EXOSC4: variants seen among roughly 807,000 people sequenced by gnomAD.
EXOSC4 encodes exosome component 4, also known as exosome complex component RRP41.
EXOSC4 carries 14 observed loss-of-function variants against 20.0 expected under a neutral mutation model. That is an observed-to-expected ratio of 0.70 (90% CI 0.46 to 1.09). The LOEUF (loss-of-function observed/expected upper bound fraction) is 1.09, where lower values mean the gene tolerates loss of function less well. Among genes scored for constraint, EXOSC4 ranks in the 50% least tolerant of loss-of-function variants. EXOSC4 has a pLI of 0.00. For synonymous variants in EXOSC4, 148 were observed against 146.4 expected (o/e 1.01, Z -0.08); for missense variants, 337 against 334.0 (o/e 1.01, Z -0.07).
chr8:144,078,826 C>A lies in EXOSC4; in HGVS notation c.98C>A (p.Ala33Glu). Residue 33 changes from alanine (A) to glutamate (E), a missense_variant, in exon 1 of 3, where the codon GCG (alanine) becomes GAG (glutamate). By Grantham distance (107) the Ala-to-Glu change is moderately radical (BLOSUM62 -1). Coordinates refer to ENST00000316052, the MANE Select transcript of EXOSC4 (RefSeq NM_019037.3). The surrounding 1 kb of genome is among the most constrained non-coding windows in gnomAD (Gnocchi z 4.7). ...ATCCAGGCGCGGATGGGCGTGTTCG[C>A]GCAGGCTGACGGCTCGGCCTACATT... Reference protein sequence around the residue: ...RKIQARMGVFAQADGSAYIEQ... With the variant: ...RKIQARMGVFEQADGSAYIEQ... 1 of 1,580,116 alleles carries A rather than the reference C, an allele frequency of 6.3e-7. No individual in the cohort carries two copies. Among genetic ancestry groups the A allele is most frequent in the Non-Finnish European group, 8.6e-7 (1 of 1,165,824 alleles).
the EXOSC4 span, among the ~76,000 whole-genome samples, chr8:144,070,033 C>T: frequency 2.6e-5 from 4 of 152,186 alleles, no homozygotes; most frequent in African/African-American, 4.8e-5. Context: ...GCAAGGTGGC[C>T]GGGGAACGGA....
rs2129921265 is a variant in EXOSC4, at chr8:144,078,946, G to A, written c.171+47G>A. On this transcript the variant is annotated intron_variant, in intron 1 of 2. Transcript: ENST00000316052. This position sits in a 1 kb window ranked among gnomAD's most constrained non-coding sequence, Gnocchi z 4.7. The stretch of plus-strand genomic sequence containing the variant: ...GGAATCGTGTGGCCGTGGGAGCTGC[G>A]GGGCAGCCGGGCTGAGCGCTGGCTC... The A allele has an allele frequency of 7.1e-7, 1 of 1,411,850 alleles. No homozygotes were observed. 87.5% of individuals were successfully genotyped at this position (1,411,850 alleles called of 1,614,324 possible). A position where few individuals can be genotyped will look rare whatever the true frequency, so the allele number is the denominator to read the frequency against.
the EXOSC4 span, among the ~76,000 whole-genome samples, chr8:144,071,498 G>A: frequency 6.8e-6 from 1 of 147,878 alleles, no homozygotes; most frequent in Non-Finnish European, 1.5e-5. Flanking sequence ...GTACAGACAG[G>A]GTTTCACCAT....
At chr8:144,067,713 T>G in the EXOSC4 span, among the ~76,000 whole-genome samples, 4 of 152,122 alleles carry the variant, frequency 2.6e-5, no homozygotes, top group African/African-American at 9.7e-5. Context: ...TGAACAAAGA[T>G]AGAAAATGTG....
chr8:144,065,949 C>T, the EXOSC4 span, among the ~76,000 whole-genome samples: 1 of 150,228 alleles, frequency 6.7e-6, no homozygotes, highest in African/African-American at 2.5e-5. Context: ...GCTGGGACCA[C>T]AGATGCATGC....
the EXOSC4 span, among the ~76,000 whole-genome samples, chr8:144,066,442 T>A: frequency 7.4e-6 from 1 of 134,960 alleles, no homozygotes; most frequent in African/African-American, 2.7e-5. Context: ...TTCTCTTTTT[T>A]TTTTTTTTTT....
chr8:144,071,106 G>A, the EXOSC4 span, among the ~76,000 whole-genome samples: 18 of 151,454 alleles, frequency 1.2e-4, no homozygotes, highest in South Asian at 2.1e-4. Flanking sequence ...AAGGGCCATC[G>A]GCCAATCCTA....
the EXOSC4 span, among the ~76,000 whole-genome samples, chr8:144,065,886 G>A: frequency 6.7e-6 from 1 of 148,616 alleles, no homozygotes; most frequent in Non-Finnish European, 1.5e-5. Context: ...ATAGCTCATC[G>A]AAGCCTTGAC....
At chr8:144,076,615 A>C (rs1271729224), upstream of EXOSC4, among the ~76,000 whole-genome samples, 1 of 152,184 alleles carries the variant, frequency 6.6e-6, no homozygotes, top group Non-Finnish European at 1.5e-5. Flanking sequence ...AACACAGCAA[A>C]GGTTCCACTG....
Position 144,080,262 on chromosome 8 carries a change from G to C in EXOSC4, c.399G>C (p.Gly133=), listed in dbSNP as rs528562530. The C allele has an allele frequency of 1.2e-6, 2 of 1,613,842 alleles. No homozygotes were observed. Among genetic ancestry groups the C allele is most frequent in the African/African-American group, 2.7e-5 (2 of 75,060 alleles). Residue 133 remains glycine, a synonymous_variant, in exon 3 of 3, where the codon GGG becomes GGC. Transcript: ENST00000316052. The surrounding 1 kb of genome is among the most constrained non-coding windows in gnomAD (Gnocchi z 4.9). ...TGCAGGTGCTACAGGCAGATGGTGG[G>C]ACCTATGCAGCTTGTGTGAATGCAG... ...IYVQVLQADG[G]TYAACVNAAT...
At chr8:144,070,003 T>C in the EXOSC4 span, among the ~76,000 whole-genome samples, 3 of 152,222 alleles carry the variant, frequency 2.0e-5, no homozygotes, top group African/African-American at 7.2e-5. Flanking sequence ...AAAGGGCTGT[T>C]CCGCCCGGGC....
the EXOSC4 span, among the ~76,000 whole-genome samples, chr8:144,068,202 T>C: frequency 2.0e-5 from 3 of 152,206 alleles, no homozygotes; most frequent in African/African-American, 7.2e-5. Context: ...TGACTCCTCT[T>C]ATAGCTCATT....
the EXOSC4 span, among the ~76,000 whole-genome samples, chr8:144,072,176 C>CTTGTT: frequency 2.0e-5 from 3 of 151,878 alleles, no homozygotes; most frequent in South Asian, 2.1e-4. Flanking sequence ...TGTACAATGC[C>CTTGTT]TTGTTTTGTT....
the EXOSC4 span, among the ~76,000 whole-genome samples, chr8:144,069,140 A>G: frequency 3.9e-5 from 6 of 152,252 alleles, no homozygotes; most frequent in African/African-American, 7.2e-5. Flanking sequence ...AACCAGGGAC[A>G]GAGACAACAA....
At chr8:144,075,384 G>A (rs1479035990), upstream of EXOSC4, among the ~76,000 whole-genome samples, 4 of 152,098 alleles carry the variant, frequency 2.6e-5, no homozygotes, top group African/African-American at 4.8e-5. Flanking sequence ...CCGCCACCAC[G>A]CCCGGCTAAT....
chr8:144,064,240 G>T, the EXOSC4 span, among the ~76,000 whole-genome samples: 2 of 152,260 alleles, frequency 1.3e-5, no homozygotes, highest in Non-Finnish European at 2.9e-5. Context: ...GGTGTGTCGT[G>T]GGGGAAGGGA....
chr8:144,078,522 A>C (rs1005739297), upstream of EXOSC4: 1 of 452,896 alleles, frequency 2.2e-6, no homozygotes, highest in African/African-American at 2.0e-5. This position sits in a 1 kb window ranked among gnomAD's most constrained non-coding sequence, Gnocchi z 4.7. Context: ...GGTGAACTCC[A>C]GTTCACCAGG....
At chr8:144,067,002 G>A in the EXOSC4 span, among the ~76,000 whole-genome samples, 14 of 152,024 alleles carry the variant, frequency 9.2e-5, no homozygotes, top group Admixed American at 2.0e-4. Context: ...CAGAAGAATC[G>A]CTTGAACCTG....
At chr8:144,079,591 C>T (rs1554763183) in intron 1 of EXOSC4, 1 of 400,282 alleles carries the variant, frequency 2.5e-6, no homozygotes. Flanking sequence ...GAGGTGAGGA[C>T]TTAGGGTTTT....
Sources: allele counts gnomAD v4.1 joint callset (sites outside exome capture counted in the v4.1 genomes callset), GRCh38; gene constraint gnomAD v4.1.1; non-coding constraint Gnocchi (gnomAD v3.1); transcripts MANE v1.5; gene names NCBI Gene and HGNC (gene_info 2026-07-23, HGNC 2026-07-21).